Variants in FBXO34 observed in about 807,000 individuals in gnomAD.
FBXO34 encodes F-box protein 34.
A neutral mutation model predicts 24.5 loss-of-function variants in FBXO34; 12 were observed. The ratio of observed to expected loss-of-function variants is 0.49; its 90% confidence interval spans 0.31 to 0.79. FBXO34 has a LOEUF of 0.79. Ranked by LOEUF, FBXO34 falls within the 30% of genes least tolerant of loss-of-function variation. FBXO34 has a pLI of 0.04. For missense variants in FBXO34, 823 were observed against 857.7 expected (o/e 0.96, Z 0.51); for synonymous variants, 320 against 311.9 (o/e 1.03, Z -0.27).
intron 1 of FBXO34, among the ~76,000 whole-genome samples, chr14:55,342,557 A>G (rs1486777357): frequency 6.6e-6 from 1 of 151,940 alleles, no homozygotes; most frequent in Admixed American, 6.5e-5. Flanking sequence ...TTCCTTTTTT[A>G]AAAAAGGCAT....
the FBXO34 span, chr14:55,413,671 C>T: frequency 2.8e-6 from 1 of 356,860 alleles, no homozygotes. Context: ...ACACCTCTCC[C>T]TTTGACGTCT....
chr14:55,426,277 A>AT, the FBXO34 span, among the ~76,000 whole-genome samples: 1 of 149,788 alleles, frequency 6.7e-6, no homozygotes, highest in Non-Finnish European at 1.5e-5. Flanking sequence ...CAAAAAAAAA[A>AT]AATAAATAAA....
intron 1 of FBXO34, among the ~76,000 whole-genome samples, chr14:55,315,060 CATTTCCCTGGTATAGGT>C (rs529095133): frequency 7.6e-4 from 116 of 152,314 alleles, no homozygotes; most frequent in African/African-American, 2.7e-3. Flanking sequence ...TTTGTCCCCC[CATTTCCCTGGTATAGGT>C]ATTTATAACA....
intron 1 of FBXO34, among the ~76,000 whole-genome samples, chr14:55,317,798 C>G (rs576412627): frequency 2.6e-5 from 4 of 152,272 alleles, no homozygotes; most frequent in Admixed American, 2.6e-4. Context: ...TGGGATCTGG[C>G]ATGCACATGT....
chr14:55,372,895 C>T (rs375196450), downstream of FBXO34, among the ~76,000 whole-genome samples: 6 of 152,180 alleles, frequency 3.9e-5, no homozygotes, highest in East Asian at 5.8e-4. Flanking sequence ...ACGGAGCAGG[C>T]GCTCAGCTAA....
intron 1 of FBXO34, among the ~76,000 whole-genome samples, chr14:55,305,035 G>T (rs1172966194): frequency 6.6e-6 from 1 of 152,188 alleles, no homozygotes; most frequent in Non-Finnish European, 1.5e-5. Context: ...TTGAGCAATA[G>T]ATTTCTCTCA....
the FBXO34 span, chr14:55,395,376 G>A: frequency 4.4e-6 from 1 of 225,810 alleles, no homozygotes; most frequent in Non-Finnish European, 8.8e-6. Context: ...TTTGTTTGAG[G>A]GAGTCTCACT....
chr14:55,375,970 CT>C, the FBXO34 span, among the ~76,000 whole-genome samples: 1 of 152,212 alleles, frequency 6.6e-6, no homozygotes, highest in Non-Finnish European at 1.5e-5. Flanking sequence ...ATTTTCCCCC[CT>C]AATTATTAAT....
At chr14:55,331,609 TATAAA>T (rs1394653877) in intron 1 of FBXO34, among the ~76,000 whole-genome samples, 5 of 136,470 alleles carry the variant, frequency 3.7e-5, no homozygotes, top group African/African-American at 5.4e-5. Context: ...TATAAAAAAA[TATAAA>T]ATATATAAAA....
At chr14:55,387,730 T>C in the FBXO34 span, among the ~76,000 whole-genome samples, 1 of 152,018 alleles carries the variant, frequency 6.6e-6, no homozygotes, top group Non-Finnish European at 1.5e-5. Flanking sequence ...AATGCAGTGG[T>C]GCATCTCGGC....
chr14:55,407,072 G>A, the FBXO34 span, among the ~76,000 whole-genome samples: 3 of 151,228 alleles, frequency 2.0e-5, no homozygotes, highest in South Asian at 2.1e-4. Context: ...AGCAATTCTC[G>A]TGCCTCAGCT....
At chr14:55,278,478 A>G (rs1196018991) in intron 1 of FBXO34, among the ~76,000 whole-genome samples, 5 of 152,086 alleles carry the variant, frequency 3.3e-5, no homozygotes, top group East Asian at 1.9e-4. Flanking sequence ...ATTCAGTTAT[A>G]CTTGTGTGAT....
downstream of FBXO34, among the ~76,000 whole-genome samples, chr14:55,364,431 GTGT>G (rs1349382566): frequency 9.9e-5 from 15 of 151,818 alleles, no homozygotes; most frequent in South Asian, 2.1e-4. Context: ...TTCTGGTTTT[GTGT>G]TGTTGTTGTT....
chr14:55,414,472 G>A, the FBXO34 span: 1 of 1,561,434 alleles, frequency 6.4e-7, no homozygotes, highest in Admixed American at 1.9e-5. Context: ...AGAAATCCAG[G>A]TTTATATAAT....
At chr14:55,293,904 C>T (rs1402566713) in intron 1 of FBXO34, among the ~76,000 whole-genome samples, 2 of 151,920 alleles carry the variant, frequency 1.3e-5, no homozygotes, top group African/African-American at 4.8e-5. Flanking sequence ...AACTTAACAG[C>T]AGTGGCTGAC....
At chr14:55,428,660 G>A in the FBXO34 span, 1 of 819,734 alleles carries the variant, frequency 1.2e-6, no homozygotes, top group Non-Finnish European at 1.8e-6. Flanking sequence ...GAGAACTCAG[G>A]CATAGCATCT....
At chr14:55,318,597 TC>T (rs549863223) in intron 1 of FBXO34, among the ~76,000 whole-genome samples, 76 of 151,320 alleles carry the variant, frequency 5.0e-4, no homozygotes, top group South Asian at 4.2e-3. Context: ...ACTCCTGGCC[TC>T]AAGTGATCCT....
At chr14:55,366,297 TG>T (rs1312537029), downstream of FBXO34, 5 of 152,644 alleles carry the variant, frequency 3.3e-5, no homozygotes, top group African/African-American at 9.7e-5. Flanking sequence ...TTCTATAATT[TG>T]TATAAAGTAC....
At chr14:55,440,290 G>A in the FBXO34 span, 3 of 1,374,866 alleles carry the variant, frequency 2.2e-6, no homozygotes, top group Non-Finnish European at 3.0e-6. Context: ...AACCAAGCCC[G>A]CCTCTTATGG....
Sources: allele counts gnomAD v4.1 joint callset (sites outside exome capture counted in the v4.1 genomes callset), GRCh38; gene constraint gnomAD v4.1.1; transcripts MANE v1.5; gene names NCBI Gene and HGNC (gene_info 2026-07-23, HGNC 2026-07-21).